C6orf58: variants seen among roughly 807,000 people sequenced by gnomAD.
C6orf58 encodes protein LEG1 homolog.
In C6orf58, 30 loss-of-function variants were observed where a neutral mutation model predicts 37.0. The ratio of observed to expected loss-of-function variants is 0.81; its 90% CI spans 0.61 to 1.10. C6orf58 has a LOEUF of 1.10. Among genes scored for constraint, C6orf58 ranks in the 50% least tolerant of loss-of-function variants. The pLI is 0.00. For missense variants in C6orf58, 368 were observed against 387.5 expected (o/e 0.95, Z 0.42); for synonymous variants, 143 against 134.1 (o/e 1.07, Z -0.46).
intron 4 of C6orf58, among the ~76,000 whole-genome samples, 164 bp from the exon 5 acceptor site, chr6:127,589,923 C>T (rs951100362): frequency 6.6e-5 from 10 of 152,146 alleles, no homozygotes; most frequent in Non-Finnish European, 1.2e-4. Context: ...CAACTTCACA[C>T]CTCCTGAGGG....
At chr6:127,579,528 G>A (rs2114290042) in intron 2 of C6orf58, among the ~76,000 whole-genome samples, 1 of 152,190 alleles carries the variant, frequency 6.6e-6, no homozygotes, top group South Asian at 2.1e-4. Context: ...TGGAGGATTA[G>A]CCTGCTACAC....
At chr6:127,587,033 C>G (rs921082664) in intron 4 of C6orf58, among the ~76,000 whole-genome samples, 6 of 152,176 alleles carry the variant, frequency 3.9e-5, no homozygotes, top group African/African-American at 1.4e-4. Flanking sequence ...GAGGAGAATT[C>G]TACAAATTAT....
chr6:127,580,604 A>G (rs1286470006), intron 3 of C6orf58, among the ~76,000 whole-genome samples, 155 bp downstream of exon 3: 1 of 152,082 alleles, frequency 6.6e-6, no homozygotes, highest in African/African-American at 2.4e-5. Context: ...GAGTGTTATG[A>G]GTCATTAACA....
At chr6:127,590,582 A>G (rs986066943) in intron 5 of C6orf58, among the ~76,000 whole-genome samples, 3 of 152,072 alleles carry the variant, frequency 2.0e-5, no homozygotes, top group African/African-American at 7.2e-5. Flanking sequence ...TGGCAAACCA[A>G]CTGAAACACT....
chr6:127,588,435 A>T (rs1156368068), intron 4 of C6orf58, among the ~76,000 whole-genome samples: 1 of 152,170 alleles, frequency 6.6e-6, no homozygotes, highest in African/African-American at 2.4e-5. Flanking sequence ...CTGTGAAACA[A>T]CCCTAAAAGC....
intron 1 of C6orf58, among the ~76,000 whole-genome samples, chr6:127,578,043 T>C (rs1775008673): frequency 6.6e-6 from 1 of 152,098 alleles, no homozygotes; most frequent in African/African-American, 2.4e-5. Context: ...TTCTGGTTGA[T>C]AGAAGCTCAT....
chr6:127,581,083 T>G, intron 3 of C6orf58, 99 bp from the exon 4 acceptor site: 1 of 461,460 alleles, frequency 2.2e-6, no homozygotes, highest in Non-Finnish European at 3.7e-6. Context: ...TCTTCTTTTA[T>G]GTACAATATT....
intron 4 of C6orf58, among the ~76,000 whole-genome samples, chr6:127,589,445 T>C (rs1436501028): frequency 1.3e-5 from 2 of 152,182 alleles, no homozygotes; most frequent in Non-Finnish European, 2.9e-5. Context: ...CTACTGAATA[T>C]AACTTTAATC....
chr6:127,577,736 T>A (rs1396755017), intron 1 of C6orf58, among the ~76,000 whole-genome samples: 1 of 152,132 alleles, frequency 6.6e-6, no homozygotes, highest in Non-Finnish European at 1.5e-5. Flanking sequence ...TGAAAAGACA[T>A]CACATCTCAT....
intron 4 of C6orf58, among the ~76,000 whole-genome samples, chr6:127,585,855 A>G (rs2114297333): frequency 6.6e-6 from 1 of 152,212 alleles, no homozygotes; most frequent in Non-Finnish European, 1.5e-5. Flanking sequence ...TTTGTCCTAT[A>G]CTTCCTCTCT....
chr6:127,581,229 A>G lies in C6orf58; in HGVS notation c.621A>G (p.Leu207=). 1 of 1,547,066 alleles carries G rather than the reference A, an allele frequency of 6.5e-7. No homozygotes were observed. Among genetic ancestry groups the G allele is most frequent in the Non-Finnish European group, 8.7e-7 (1 of 1,143,720 alleles). ...AGTTTGATGATCTGTTGAAGTACTT[A>G]TGGGCTGCACACACTTCAACCTTGG... is the stretch of plus-strand genomic sequence containing the variant. ...FSKFDDLLKY[L]WAAHTSTLAD... The change falls in exon 4 of 6, where the codon TTA becomes TTG. Residue 207 remains leucine, a synonymous_variant. Transcript: ENST00000329722.
intron 5 of C6orf58, among the ~76,000 whole-genome samples, chr6:127,590,656 A>T (rs938139267): frequency 6.6e-6 from 1 of 152,114 alleles, no homozygotes; most frequent in African/African-American, 2.4e-5. Flanking sequence ...TTAAAAAAAA[A>T]AACTTTCTAC....
chr6:127,583,496 GC>G (rs1214366334), intron 4 of C6orf58, among the ~76,000 whole-genome samples: 1 of 152,118 alleles, frequency 6.6e-6, no homozygotes, highest in Non-Finnish European at 1.5e-5. Context: ...CATCAAGGAT[GC>G]CATCTTCTTC....
intron 5 of C6orf58, among the ~76,000 whole-genome samples, 155 bp downstream of exon 5, chr6:127,590,480 C>A (rs1335976845): frequency 1.3e-5 from 2 of 152,102 alleles, no homozygotes; most frequent in Non-Finnish European, 2.9e-5. Context: ...AATAATCACT[C>A]TTGATATATA....
Position 127,578,679 on chromosome 6 carries a change from C to A in C6orf58, c.302-7C>A, listed in dbSNP as rs201644214. The A allele has an allele frequency of 1.9e-6, 3 of 1,607,684 alleles. No homozygotes were observed. The highest frequency in any genetic ancestry group is 2.6e-6 in the Non-Finnish European group (3 of 1,174,650). On this transcript the variant is annotated splice_region_variant and splice_polypyrimidine_tract_variant and intron_variant, in intron 1 of 5. Coordinates refer to ENST00000329722, the MANE Select transcript of C6orf58 (RefSeq NM_001010905.3). ...ATAAATACGACTGTGCATCCTCTCT[C>A]CTCCAGGCAGATTAGCTGATCCAAC...
chr6:127,579,883 C>T (rs1775029217), intron 2 of C6orf58, among the ~76,000 whole-genome samples: 1 of 151,892 alleles, frequency 6.6e-6, no homozygotes, highest in Admixed American at 6.6e-5. Flanking sequence ...GAGAAAAATA[C>T]AAGTACAATT....
chr6:127,590,937 A>G (rs1451914450), intron 5 of C6orf58, among the ~76,000 whole-genome samples: 3 of 152,160 alleles, frequency 2.0e-5, no homozygotes, highest in Non-Finnish European at 4.4e-5. Context: ...ACGTTTTTCA[A>G]AGCAAAAACA....
chr6:127,579,716 C>T (rs115018679), intron 2 of C6orf58, among the ~76,000 whole-genome samples: 2,422 of 152,158 alleles, frequency 0.016, 70 homozygotes, highest in African/African-American at 0.057. Flanking sequence ...GTTTGATTGT[C>T]AGTCTAATGG....
chr6:127,579,618 A>C (rs1457344062), intron 2 of C6orf58, among the ~76,000 whole-genome samples: 1 of 152,130 alleles, frequency 6.6e-6, no homozygotes, highest in Non-Finnish European at 1.5e-5. Context: ...AAATCAGTAT[A>C]AGCCTAATAT....
Sources: allele counts gnomAD v4.1 joint callset (sites outside exome capture counted in the v4.1 genomes callset), GRCh38; gene constraint gnomAD v4.1.1; transcripts MANE v1.5; gene names NCBI Gene and HGNC (gene_info 2026-07-23, HGNC 2026-07-21).